The following KIF26A variants were observed in gnomAD, a reference collection of about 807,000 sequenced individuals.
KIF26A encodes kinesin-like protein KIF26A.
KIF26A carries 74 observed loss-of-function variants against 126.0 expected under a neutral mutation model. The observed-to-expected ratio is 0.59, with a 90% CI of 0.49 to 0.71. The LOEUF is 0.71. Ranked by LOEUF, KIF26A falls within the 30% of genes least tolerant of loss-of-function variation. KIF26A has a pLI of 0.00. For missense variants in KIF26A, 2,984 were observed against 2,763.3 expected (o/e 1.08, Z -1.79); for synonymous variants, 1,445 against 1,232.7 (o/e 1.17, Z -3.61).
intron 12 of KIF26A, among the ~76,000 whole-genome samples, chr14:104,178,321 A>G (rs1596152777): frequency 6.6e-6 from 1 of 152,104 alleles, no homozygotes; most frequent in Non-Finnish European, 1.5e-5. Context: ...AGGTCATGGC[A>G]GGGAAAGTGG....
At chr14:104,163,941 C>T (rs1027506452) in intron 4 of KIF26A, among the ~76,000 whole-genome samples, 7 of 152,134 alleles carry the variant, frequency 4.6e-5, no homozygotes, top group Non-Finnish European at 8.8e-5. Context: ...ATTCTTCCTC[C>T]TGGCATCCCC....
chr14:104,175,604 C>A lies in KIF26A; in HGVS notation c.2816C>A (p.Ala939Asp). Residue 939 changes from alanine to aspartate, a missense_variant, in exon 12 of 15, where the codon GCT becomes GAT. By Grantham distance (126) the Ala-to-Asp change is moderately radical. Transcript: ENST00000423312. ...CCTGAGCTGCTGGTCCCGGAAAAGG[C>A]TGCAGTGAGTGGAGGCAGGAGGCCA... ...AWPELLVPEK[A>D]AVSGGRRPLP... 6.2e-7 allele frequency: 1 copy of A among 1,610,748 alleles called. No homozygotes were observed. The highest frequency in any genetic ancestry group is 1.1e-5 in the South Asian group (1 of 91,050).
chr14:104,172,719 A>G (rs1303614900), intron 7 of KIF26A, 51 bp downstream of exon 7: 1 of 1,376,816 alleles, frequency 7.3e-7, no homozygotes, highest in East Asian at 2.4e-5. Flanking sequence ...ACCCCCTCCC[A>G]TCCTCATCAC....
At chr14:104,165,376 A>ATG (rs2037878976) in intron 4 of KIF26A, among the ~76,000 whole-genome samples, 1 of 107,444 alleles carries the variant, frequency 9.3e-6, no homozygotes, top group Admixed American at 9.5e-5. Context: ...CCCTGTGTGC[A>ATG]TGTGTCTCTG....
intron 4 of KIF26A, among the ~76,000 whole-genome samples, chr14:104,163,457 A>G (rs912021027): frequency 9.2e-5 from 14 of 152,198 alleles, no homozygotes; most frequent in Non-Finnish European, 1.5e-4. Context: ...CGAGGGCACA[A>G]GGGCCTCTTC....
intron 2 of KIF26A, among the ~76,000 whole-genome samples, chr14:104,150,206 C>CCCT (rs534619963): frequency 0.011 from 807 of 73,150 alleles, 8 homozygotes; most frequent in Non-Finnish European, 0.022. Context: ...CTCCCCCACC[C>CCCT]CCTCCTCCTC....
In KIF26A at chr14:104,152,524, G is replaced by A; in HGVS notation, c.735+63G>A. On this transcript the variant is annotated intron_variant, in intron 3 of 14. Coordinates refer to ENST00000423312, the MANE Select transcript of KIF26A (RefSeq NM_015656.2). The surrounding 1 kb of genome is among the most constrained non-coding windows in gnomAD (Gnocchi z 5.9). ...CCTTGTCAGAACTGGGCTTCCTTCGGGGGTCTCTGTCCACGTTGAGTGCCC... is the reference window on the plus strand; with the variant it reads ...CCTTGTCAGAACTGGGCTTCCTTCGAGGGTCTCTGTCCACGTTGAGTGCCC... 2 of 1,448,786 alleles carry A rather than the reference G, an allele frequency of 1.4e-6. No homozygotes were observed. The highest frequency in any genetic ancestry group is 1.4e-5 in the African/African-American group (1 of 70,176). The allele number at this position is 1,448,786 out of a possible 1,614,324, so 89.7% of individuals were successfully genotyped here.
intron 2 of KIF26A, among the ~76,000 whole-genome samples, chr14:104,139,500 C>G (rs1271319188): frequency 1.3e-5 from 2 of 152,192 alleles, no homozygotes; most frequent in East Asian, 3.9e-4. Context: ...GGCCCTGCTG[C>G]CTCGGATGGG....
At position 104,177,649 on chromosome 14, in the gene KIF26A, C is replaced by T. The variant is rs548643500; in HGVS notation, c.4861C>T (p.Arg1621Trp). ...CTACAGCAAGGTGACCGCCCCACGG[C>T]GGCCCCAGCGCTACAGCAGCGGCCA... ...SPYSKVTAPR[R>W]PQRYSSGHGS... is the part of the protein sequence containing the mutation. The change falls in exon 12 of 15, where the codon CGG becomes TGG. Residue 1621 changes from arginine to tryptophan, a missense_variant. By Grantham distance (101) the Arg-to-Trp change is moderately radical. Coordinates refer to ENST00000423312, the MANE Select transcript of KIF26A (RefSeq NM_015656.2). 2.5e-5 allele frequency: 38 copies of T among 1,525,644 alleles called. No individual in the cohort carries two copies. The highest frequency in any genetic ancestry group is 2.2e-4 in the African/African-American group (16 of 72,426). 94.5% of individuals were successfully genotyped at this position (1,525,644 alleles called of 1,614,324 possible). A position where few individuals can be genotyped will look rare whatever the true frequency, so the allele number is the denominator to read the frequency against.
At position 104,138,709 on chromosome 14, in the gene KIF26A, C is replaced by T. The variant is rs1330395967; in HGVS notation, c.-14C>T. On this transcript the variant is annotated 5_prime_UTR_variant, in exon 1 of 15. Coordinates refer to ENST00000423312, the MANE Select transcript of KIF26A (RefSeq NM_015656.2). ...GGCCGGGAGCGCCTGCCGGGCTCTT[C>T]CCGCGCCCCGGCCATGGTCGGCCGC... is the stretch of plus-strand genomic sequence containing the variant. 2.0e-5 allele frequency: 25 copies of T among 1,266,628 alleles called. No individual in the cohort carries two copies. Among genetic ancestry groups the T allele is most frequent in the African/African-American group, 3.1e-5 (2 of 63,864 alleles). 78.5% of individuals were successfully genotyped at this position (1,266,628 alleles called of 1,614,324 possible).
chr14:104,178,535 G>C lies in KIF26A; in HGVS notation c.5111-15G>C, dbSNP rs926505096. ...CCCCGCCTCTGTTCACCCTGTGCCCGGCTCTCCGTTCCAGGTCTGCAGCGG... is the reference window on the plus strand; with the variant it reads ...CCCCGCCTCTGTTCACCCTGTGCCCCGCTCTCCGTTCCAGGTCTGCAGCGG... On this transcript the variant is annotated splice_polypyrimidine_tract_variant and intron_variant, in intron 12 of 14. Coordinates refer to ENST00000423312, the MANE Select transcript of KIF26A (RefSeq NM_015656.2). 4.2e-6 allele frequency: 6 copies of C among 1,443,184 alleles called. No homozygotes were observed. The East Asian group carries it at 1.0e-4, about 25-fold the overall frequency. 89.4% of individuals were successfully genotyped at this position (1,443,184 alleles called of 1,614,324 possible).
At chr14:104,144,512 A>G (rs1045787397) in intron 2 of KIF26A, among the ~76,000 whole-genome samples, 1 of 152,170 alleles carries the variant, frequency 6.6e-6, no homozygotes, top group African/African-American at 2.4e-5. Flanking sequence ...GGCTAAGGGA[A>G]TGGGACTGGG....
rs12588835 is a variant in KIF26A at position 104,173,755 on chromosome 14, G to T, written c.1917G>T (p.Glu639Asp). ...RLHLIDLGSC[E>D]AAAGRAGEAA... ...ACCTCATCGACCTGGGCAGCTGTGA[G>T]GCGGCGGCTGGCAGGGCCGGGGAGG... is the stretch of plus-strand genomic sequence containing the variant. Residue 639 changes from glutamate to aspartate, a missense_variant, in exon 10 of 15, where the codon GAG becomes GAT. Glu to Asp is a conservative substitution (Grantham distance 45). Transcript: ENST00000423312. The T allele has an allele frequency of 6.2e-7, 1 of 1,610,282 alleles. No individual in the cohort carries two copies. The highest frequency in any genetic ancestry group is 8.5e-7 in the Non-Finnish European group (1 of 1,179,448).
rs2037613159 is a variant in KIF26A, at chr14:104,139,206, G to A, written c.206G>A (p.Trp69Ter). ...EQGHSAGGGGWCRHCHTKLVE... is the reference protein window; with the variant it reads ...EQGHSAGGGG Reference sequence around the variant, plus strand: ...GGCCACTCGGCCGGCGGAGGCGGCTGGTGCCGCCACTGCCACACGAAGCTG... The same window carrying A: ...GGCCACTCGGCCGGCGGAGGCGGCTAGTGCCGCCACTGCCACACGAAGCTG... The change falls in exon 2 of 15, where the codon TGG becomes TAG. Residue 69 changes from tryptophan to a stop codon, truncating the protein, a stop_gained. Coordinates refer to ENST00000423312, the MANE Select transcript of KIF26A (RefSeq NM_015656.2). LOFTEE classifies it high-confidence loss of function. The A allele has an allele frequency of 4.5e-6, 7 of 1,550,954 alleles. No individual in the cohort carries two copies. The highest frequency in any genetic ancestry group is 2.0e-5 in the Admixed American group (1 of 51,062).
rs1273152909 is a variant in KIF26A, at chr14:104,177,421, G to A, written c.4633G>A (p.Gly1545Arg). The stretch of plus-strand genomic sequence containing the variant: ...AGCCCCACGGGCCGGGCCCAGTGTC[G>A]GGGCGAAGGCTGGCCGGGGTACCGT... ...RAAPRAGPSVGAKAGRGTVMG... is the reference protein window; with the variant it reads ...RAAPRAGPSVRAKAGRGTVMG... Residue 1545 changes from glycine to arginine, a missense_variant, in exon 12 of 15, where the codon GGG (glycine) becomes AGG (arginine). Physicochemically the swap from Gly to Arg is moderately radical, Grantham distance 125. Transcript: ENST00000423312. 20 of 1,508,934 alleles carry A rather than the reference G, an allele frequency of 1.3e-5. No homozygotes were observed. Among genetic ancestry groups the A allele is most frequent in the Admixed American group, 2.1e-5 (1 of 47,512 alleles). The allele number at this position is 1,508,934 out of a possible 1,614,324, so 93.5% of individuals were successfully genotyped here.
chr14:104,160,115 C>T (rs950453836), intron 4 of KIF26A, among the ~76,000 whole-genome samples: 3 of 152,190 alleles, frequency 2.0e-5, no homozygotes, highest in Admixed American at 2.0e-4. Flanking sequence ...CCGAGGGGCA[C>T]CTCTGTGGAG....
chr14:104,157,257 A>G (rs2037788342), intron 3 of KIF26A, among the ~76,000 whole-genome samples: 1 of 152,154 alleles, frequency 6.6e-6, no homozygotes, highest in African/African-American at 2.4e-5. Flanking sequence ...ATTTCAGATG[A>G]GGGAGCGCCA....
At position 104,176,063 on chromosome 14, in the gene KIF26A, A is replaced by T; in HGVS notation, c.3275A>T (p.Glu1092Val). The T allele has an allele frequency of 6.3e-7, 1 of 1,596,530 alleles. No homozygotes were observed. The highest frequency in any genetic ancestry group is 8.5e-7 in the Non-Finnish European group (1 of 1,174,554). Residue 1092 changes from glutamate (E) to valine (V), a missense_variant, in exon 12 of 15, where the codon GAG becomes GTG. Physicochemically the swap from Glu to Val is moderately radical, Grantham distance 121. Transcript: ENST00000423312. ...EFDAYTSQAP[E>V]GGPLEGAAWA... Reference sequence around the variant, plus strand: ...GACGCCTACACCTCTCAGGCCCCTGAGGGGGGGCCCCTGGAGGGGGCAGCC... The same window carrying T: ...GACGCCTACACCTCTCAGGCCCCTGTGGGGGGGCCCCTGGAGGGGGCAGCC...
intron 4 of KIF26A, 65 bp downstream of exon 4, chr14:104,158,007 TGGGGAC>T: frequency 7.2e-7 from 1 of 1,397,238 alleles, no homozygotes; most frequent in East Asian, 2.7e-5. Flanking sequence ...TGTGGGCCCC[TGGGGAC>T]CTATGGGCCG....
Sources: gnomAD v4.1 joint callset for allele counts (sites outside exome capture counted in the v4.1 genomes callset) on GRCh38, gnomAD v4.1.1 for gene constraint, Gnocchi (gnomAD v3.1) non-coding constraint, MANE v1.5 for transcripts, NCBI Gene and HGNC (gene_info 2026-07-23, HGNC 2026-07-21) for gene names.